The following SLC30A8 variants were observed in gnomAD, a reference collection of about 807,000 sequenced individuals.
The protein encoded by SLC30A8 is solute carrier family 30 member 8, also known as proton-coupled zinc antiporter SLC30A8.
Under a neutral mutation model 36.9 loss-of-function variants are expected in SLC30A8, and 27 were observed. The ratio of observed to expected loss-of-function variants is 0.73; its 90% CI spans 0.54 to 1.01. The LOEUF (loss-of-function observed/expected upper bound fraction) is 1.01. Among genes scored for constraint, SLC30A8 ranks in the 50% least tolerant of loss-of-function variants. SLC30A8 has a pLI of 0.00. For synonymous variants in SLC30A8, 164 were observed against 172.4 expected (o/e 0.95, Z 0.38); for missense variants, 439 against 452.0 (o/e 0.97, Z 0.26).
chr8:116,996,003 T>C (rs1051819993), intron 1 of SLC30A8, among the ~76,000 whole-genome samples: 4 of 152,224 alleles, frequency 2.6e-5, no homozygotes, highest in African/African-American at 9.6e-5. Flanking sequence ...TTTGTCTCTT[T>C]GCAGTCAGCT....
At chr8:117,169,849 A>C (rs778459821) in intron 6 of SLC30A8, among the ~76,000 whole-genome samples, 6 of 152,136 alleles carry the variant, frequency 3.9e-5, no homozygotes, top group Non-Finnish European at 8.8e-5. Context: ...ATCTGGCACC[A>C]TGACCCAAAC....
chr8:117,117,745 C>T (rs1217977867), intron 2 of SLC30A8, among the ~76,000 whole-genome samples: 1 of 151,920 alleles, frequency 6.6e-6, no homozygotes, highest in Non-Finnish European at 1.5e-5. Context: ...CAGGGAGCTA[C>T]CAGCATCTCA....
intron 1 of SLC30A8, among the ~76,000 whole-genome samples, chr8:117,019,522 A>G (rs1407834287): frequency 6.6e-6 from 1 of 152,198 alleles, no homozygotes; most frequent in Non-Finnish European, 1.5e-5. Context: ...GTTCAGTTTC[A>G]TAACTCCCAG....
rs139006177 is a variant in SLC30A8 at position 117,017,536 on chromosome 8, C to T, written c.-265-21683C>T. Among the ~76,000 whole-genome samples the T allele has an allele frequency of 8.0e-3, 1,224 of 152,288 alleles. 14 individuals are homozygous for T. The highest frequency in any genetic ancestry group is 0.048 in the Middle Eastern group (14 of 294). ...AATAGAAGCAAGGCACCAGCCAACA[C>T]CAAAGTCAAATTGACGTGGAGCCAC... On this transcript the variant is annotated intron_variant, in intron 1 of 10. Coordinates refer to the SLC30A8 transcript ENST00000427715.
At chr8:117,154,213 T>C (rs1281350982) in intron 3 of SLC30A8, among the ~76,000 whole-genome samples, 3 of 152,106 alleles carry the variant, frequency 2.0e-5, no homozygotes, top group Admixed American at 2.0e-4. Context: ...ATAAGGGTTT[T>C]TACTTTGACT....
At chr8:117,047,518 A>G (rs529624064) in intron 2 of SLC30A8, among the ~76,000 whole-genome samples, 104 of 152,244 alleles carry the variant, frequency 6.8e-4, no homozygotes, top group African/African-American at 2.4e-3. Flanking sequence ...GTACAGTTTC[A>G]AGGTGACTGA....
intron 1 of SLC30A8, among the ~76,000 whole-genome samples, chr8:117,140,116 G>A (rs1028261944): frequency 6.6e-6 from 1 of 151,904 alleles, no homozygotes; most frequent in Non-Finnish European, 1.5e-5. Context: ...CACTAGAGGG[G>A]TTCAACAGTA....
chr8:117,060,011 T>G, intron 2 of SLC30A8, among the ~76,000 whole-genome samples: 1 of 151,192 alleles, frequency 6.6e-6, no homozygotes, highest in Non-Finnish European at 1.5e-5. Flanking sequence ...GATGTGGGAG[T>G]TGAAGAACAA....
chr8:116,961,836 C>T (rs915974482), intron 1 of SLC30A8, among the ~76,000 whole-genome samples: 1 of 151,826 alleles, frequency 6.6e-6, no homozygotes, highest in Non-Finnish European at 1.5e-5. Context: ...ACAATCATAG[C>T]TCACTGTAGC....
At chr8:117,062,879 G>A (rs1485908847) in intron 2 of SLC30A8, among the ~76,000 whole-genome samples, 1 of 151,968 alleles carries the variant, frequency 6.6e-6, no homozygotes, top group Admixed American at 6.5e-5. Flanking sequence ...GGTCTTGTGA[G>A]AGGGAGTTTA....
chr8:117,063,945 T>C (rs1818093402), intron 2 of SLC30A8, among the ~76,000 whole-genome samples: 1 of 152,164 alleles, frequency 6.6e-6, no homozygotes, highest in South Asian at 2.1e-4. Context: ...GGACCACCTT[T>C]CATGATGGCT....
At chr8:117,134,504 G>A (rs1821270491), upstream of SLC30A8, among the ~76,000 whole-genome samples, 1 of 151,948 alleles carries the variant, frequency 6.6e-6, no homozygotes, top group South Asian at 2.1e-4. Flanking sequence ...TCTCCCAGGA[G>A]CAACTCAGAG....
chr8:117,071,259 G>C (rs1405905041), intron 2 of SLC30A8, among the ~76,000 whole-genome samples: 1 of 151,966 alleles, frequency 6.6e-6, no homozygotes, highest in African/African-American at 2.4e-5. Flanking sequence ...GTCTGAGGTG[G>C]TATCTTATTG....
intron 1 of SLC30A8, among the ~76,000 whole-genome samples, chr8:117,024,061 A>C (rs776960770): frequency 1.6e-4 from 25 of 152,198 alleles, no homozygotes; most frequent in Non-Finnish European, 3.2e-4. Flanking sequence ...TTACCTAATA[A>C]TGCAACCTTA....
At chr8:116,998,854 G>A (rs1212190570) in intron 1 of SLC30A8, among the ~76,000 whole-genome samples, 1 of 152,232 alleles carries the variant, frequency 6.6e-6, no homozygotes, top group Non-Finnish European at 1.5e-5. Flanking sequence ...TTCGGAGGGA[G>A]TATGGCCTTG....
At chr8:117,146,675 C>T (rs1333850352) in intron 1 of SLC30A8, 1 of 415,568 alleles carries the variant, frequency 2.4e-6, no homozygotes, top group East Asian at 5.3e-5. Context: ...GTATCTGCTT[C>T]TTTTCTCCTA....
chr8:116,984,569 G>T (rs547685165), intron 1 of SLC30A8, among the ~76,000 whole-genome samples: 27 of 152,226 alleles, frequency 1.8e-4, no homozygotes, highest in African/African-American at 6.5e-4. Context: ...GTCTTCTCAT[G>T]TGCTTATTTA....
intron 1 of SLC30A8, among the ~76,000 whole-genome samples, chr8:117,022,907 C>G (rs1455287608): frequency 6.6e-6 from 1 of 152,114 alleles, no homozygotes; most frequent in African/African-American, 2.4e-5. Flanking sequence ...AGCTTCTGCA[C>G]AGCAAAAGAG....
At chr8:117,114,569 C>T (rs1465626233) in intron 2 of SLC30A8, among the ~76,000 whole-genome samples, 3 of 152,090 alleles carry the variant, frequency 2.0e-5, no homozygotes, top group Non-Finnish European at 4.4e-5. Flanking sequence ...CCTATTAAAA[C>T]TGTTTCATAT....
Sources: gnomAD v4.1 joint callset for allele counts (sites outside exome capture counted in the v4.1 genomes callset) on GRCh38, gnomAD v4.1.1 for gene constraint, MANE v1.5 for transcripts, NCBI Gene and HGNC (gene_info 2026-07-23, HGNC 2026-07-21) for gene names.